RABGAP1L: variants seen among roughly 807,000 people sequenced by gnomAD.
RABGAP1L encodes the protein RAB GTPase activating protein 1 like, also known as rab GTPase-activating protein 1-like.
In RABGAP1L, 63 loss-of-function variants were observed where a neutral mutation model predicts 137.7. The ratio of observed to expected loss-of-function variants is 0.46; its 90% CI spans 0.37 to 0.56. The LOEUF (loss-of-function observed/expected upper bound fraction) is 0.56, where lower values mean the gene tolerates loss of function less well. RABGAP1L is among the 20% of genes least tolerant of loss of function. RABGAP1L has a pLI of 0.00. For missense variants in RABGAP1L, 1,095 were observed against 1,244.0 expected (o/e 0.88, Z 1.80); for synonymous variants, 431 against 433.7 (o/e 0.99, Z 0.08).
chr1:174,799,286 A>G (rs1160712345), intron 18 of RABGAP1L, among the ~76,000 whole-genome samples: 1 of 152,170 alleles, frequency 6.6e-6, no homozygotes, highest in Non-Finnish European at 1.5e-5. Flanking sequence ...TTATTGCATA[A>G]ACACTTCAAC....
chr1:174,576,037 G>A (rs550428128), intron 13 of RABGAP1L, among the ~76,000 whole-genome samples: 151 of 152,312 alleles, frequency 9.9e-4, no homozygotes, highest in African/African-American at 3.4e-3. Flanking sequence ...TTACAGTATA[G>A]TGTGTGCATC....
chr1:174,440,125 G>A (rs1036163719), intron 13 of RABGAP1L, among the ~76,000 whole-genome samples: 2 of 152,098 alleles, frequency 1.3e-5, no homozygotes, highest in African/African-American at 4.8e-5. Flanking sequence ...GTGACTGGTG[G>A]GTGAGGGATA....
chr1:174,557,488 TG>T (rs2148006551), intron 13 of RABGAP1L, among the ~76,000 whole-genome samples: 1 of 152,294 alleles, frequency 6.6e-6, no homozygotes, highest in African/African-American at 2.4e-5. Context: ...TCTACTACTT[TG>T]GGGAACTGTG....
In RABGAP1L at chr1:174,905,854, AAAG is replaced by A. The variant is rs1475602088; in HGVS notation, c.2341-51600_2341-51598del. 5.3e-5 allele frequency among the ~76,000 whole-genome samples: 8 copies of A among 152,208 alleles called. No individual in the cohort carries two copies. In the East Asian group the frequency reaches 1.5e-3, roughly 29 times the overall value. ...TAACAGAGTGAGACTCTGTCTAAAA[AAAG>A]AAAAAGAAAAAGAAAAAAGAAAATA... On this transcript the variant is annotated intron_variant, in intron 19 of 25. Transcript: ENST00000681986.
intron 13 of RABGAP1L, among the ~76,000 whole-genome samples, chr1:174,500,609 A>G (rs181557899): frequency 9.2e-5 from 14 of 152,350 alleles, no homozygotes; most frequent in Admixed American, 3.3e-4. Flanking sequence ...TTATAGAAGT[A>G]GGGTATAGTA....
chr1:174,241,001 T>C (rs1357946835), intron 4 of RABGAP1L, among the ~76,000 whole-genome samples: 1 of 152,034 alleles, frequency 6.6e-6, no homozygotes, highest in Non-Finnish European at 1.5e-5. Context: ...CATTGTTAGT[T>C]CCAGTTTATT....
chr1:174,559,230 A>G (rs887304855), intron 13 of RABGAP1L, among the ~76,000 whole-genome samples: 1 of 152,238 alleles, frequency 6.6e-6, no homozygotes, highest in Non-Finnish European at 1.5e-5. Flanking sequence ...TCATATTATC[A>G]TAAGTCTTAG....
intron 19 of RABGAP1L, among the ~76,000 whole-genome samples, chr1:174,918,088 T>G (rs1374562238): frequency 6.6e-6 from 1 of 150,894 alleles, no homozygotes; most frequent in Admixed American, 6.6e-5. Flanking sequence ...ATATTGCAGT[T>G]TTAATAATAA....
chr1:174,913,300 A>G (rs1660343404), intron 19 of RABGAP1L, among the ~76,000 whole-genome samples: 1 of 152,136 alleles, frequency 6.6e-6, no homozygotes, highest in Admixed American at 6.5e-5. Flanking sequence ...TCTAAGAGCT[A>G]TATAATAAAA....
chr1:174,492,706 G>A (rs1660375573), intron 13 of RABGAP1L, among the ~76,000 whole-genome samples: 1 of 151,998 alleles, frequency 6.6e-6, no homozygotes, highest in Admixed American at 6.6e-5. Flanking sequence ...TGCCTCAACT[G>A]TACTGTCCCT....
intron 19 of RABGAP1L, among the ~76,000 whole-genome samples, chr1:174,903,163 A>G (rs976207508): frequency 1.3e-5 from 2 of 152,218 alleles, no homozygotes; most frequent in East Asian, 3.8e-4. Flanking sequence ...AGAGTTTGGG[A>G]AACTTCCTAG....
intron 13 of RABGAP1L, among the ~76,000 whole-genome samples, chr1:174,561,453 A>C (rs749775886): frequency 6.6e-6 from 1 of 152,190 alleles, no homozygotes; most frequent in Non-Finnish European, 1.5e-5. Context: ...TTATAGATTC[A>C]ATGTTATCCC....
intron 1 of RABGAP1L, among the ~76,000 whole-genome samples, chr1:174,173,602 A>T (rs1224501093): frequency 6.6e-6 from 1 of 151,908 alleles, no homozygotes; most frequent in Admixed American, 6.6e-5. Flanking sequence ...TTTTAATTTT[A>T]TGTAGTAAGT....
At chr1:174,239,107 T>C (rs1056837947) in intron 4 of RABGAP1L, among the ~76,000 whole-genome samples, 5 of 152,216 alleles carry the variant, frequency 3.3e-5, no homozygotes, top group Non-Finnish European at 7.3e-5. Flanking sequence ...GGTGAGGCAA[T>C]GCCTCGCCCT....
intron 11 of RABGAP1L, among the ~76,000 whole-genome samples, chr1:174,309,129 G>A (rs911393268): frequency 6.6e-6 from 1 of 151,878 alleles, no homozygotes; most frequent in African/African-American, 2.4e-5. Context: ...ATCTTTTGTA[G>A]CTAATGGGAT....
At chr1:174,956,348 C>T (rs1022880681) in intron 19 of RABGAP1L, among the ~76,000 whole-genome samples, 2 of 152,088 alleles carry the variant, frequency 1.3e-5, no homozygotes, top group Admixed American at 6.6e-5. Context: ...TAGATGTGCA[C>T]CACTGTCCCC....
chr1:174,267,413 G>T (rs990833483), intron 7 of RABGAP1L, among the ~76,000 whole-genome samples: 4 of 152,158 alleles, frequency 2.6e-5, no homozygotes, highest in Admixed American at 6.5e-5. Context: ...CTATTCAGTG[G>T]ACTCTAGATA....
intron 13 of RABGAP1L, among the ~76,000 whole-genome samples, chr1:174,462,904 T>A (rs1359240976): frequency 3.3e-5 from 5 of 152,110 alleles, no homozygotes; most frequent in Non-Finnish European, 7.3e-5. Flanking sequence ...AAAAAACACA[T>A]GAAAAAATAC....
At chr1:174,979,913 A>G (rs1670948502) in intron 23 of RABGAP1L, among the ~76,000 whole-genome samples, 1 of 152,176 alleles carries the variant, frequency 6.6e-6, no homozygotes, top group African/African-American at 2.4e-5. Context: ...CCATCTTTTG[A>G]TCTAAAGATT....
Sources: allele counts gnomAD v4.1 joint callset (sites outside exome capture counted in the v4.1 genomes callset), GRCh38; gene constraint gnomAD v4.1.1; transcripts MANE v1.5; gene names NCBI Gene and HGNC (gene_info 2026-07-23, HGNC 2026-07-21).